B3GALT1: variants seen among roughly 807,000 people sequenced by gnomAD.
B3GALT1 encodes UDP-Gal:betaGlcNAc beta 1,3-galactosyltransferase, polypeptide 1.
A neutral mutation model predicts 23.2 loss-of-function variants in B3GALT1; 10 were observed. The observed-to-expected ratio is 0.43, with a 90% CI of 0.27 to 0.73. The LOEUF is 0.73. B3GALT1 is among the 30% of genes least tolerant of loss of function. The pLI is 0.21. For missense variants in B3GALT1, 299 were observed against 405.4 expected, an observed-to-expected ratio of 0.74 and a Z score of 2.25; for synonymous variants, 156 against 141.5, an observed-to-expected ratio of 1.10 and a Z score of -0.73.
chr2:167,347,802 T>C (rs1189464473), intron 1 of B3GALT1, among the ~76,000 whole-genome samples: 3 of 152,164 alleles, frequency 2.0e-5, no homozygotes, highest in African/African-American at 4.8e-5. Context: ...TCTTTGACCA[T>C]GTAGAAAAAG....
intron 3 of B3GALT1, among the ~76,000 whole-genome samples, chr2:167,814,597 TA>T (rs796537148): frequency 3.5e-4 from 52 of 147,030 alleles, no homozygotes; most frequent in Non-Finnish European, 3.9e-4. Flanking sequence ...CCGTCTCTAC[TA>T]AAAAAAAAAA....
intron 1 of B3GALT1, among the ~76,000 whole-genome samples, chr2:167,466,428 G>C (rs1300757138): frequency 6.6e-6 from 1 of 151,738 alleles, no homozygotes; most frequent in African/African-American, 2.4e-5. Flanking sequence ...GACCAGCCTG[G>C]TCAACATGGT....
At chr2:167,491,345 T>A (rs1248856275) in intron 2 of B3GALT1, among the ~76,000 whole-genome samples, 1 of 152,162 alleles carries the variant, frequency 6.6e-6, no homozygotes, top group Non-Finnish European at 1.5e-5. Flanking sequence ...GAATAAGAAG[T>A]AACAACTGCG....
chr2:167,713,865 A>G, intron 3 of B3GALT1: 1 of 1,590,584 alleles, frequency 6.3e-7, no homozygotes, highest in Non-Finnish European at 8.6e-7. Context: ...CTTGATAGAA[A>G]ATAACCTCGT....
At chr2:167,539,129 AG>A (rs1683487850) in intron 2 of B3GALT1, among the ~76,000 whole-genome samples, 1 of 152,188 alleles carries the variant, frequency 6.6e-6, no homozygotes, top group Non-Finnish European at 1.5e-5. Context: ...GTCCAATAAG[AG>A]TAACAAATAG....
At chr2:167,352,209 C>T (rs1282809492) in intron 1 of B3GALT1, among the ~76,000 whole-genome samples, 7 of 149,504 alleles carry the variant, frequency 4.7e-5, no homozygotes, top group South Asian at 2.2e-4. Flanking sequence ...CCTCGTGATC[C>T]GCCCACCTCG....
intron 3 of B3GALT1, among the ~76,000 whole-genome samples, chr2:167,690,597 C>T (rs944113867): frequency 3.9e-5 from 6 of 152,036 alleles, no homozygotes; most frequent in Non-Finnish European, 2.9e-5. Flanking sequence ...CCTGTGACTC[C>T]ATTTTCAAAC....
chr2:167,673,850 C>T (rs566821863), intron 3 of B3GALT1, among the ~76,000 whole-genome samples: 14 of 152,058 alleles, frequency 9.2e-5, no homozygotes, highest in East Asian at 1.9e-4. Flanking sequence ...AATATTTTCA[C>T]AGACCTCTGA....
At chr2:167,647,082 C>T (rs1301381531) in intron 3 of B3GALT1, among the ~76,000 whole-genome samples, 116 bp downstream of exon 3, 1 of 152,102 alleles carries the variant, frequency 6.6e-6, no homozygotes, top group African/African-American at 2.4e-5. Flanking sequence ...ATAGAGAAAT[C>T]ACCTGCAAGA....
intron 2 of B3GALT1, among the ~76,000 whole-genome samples, chr2:167,531,042 T>C (rs1056459369): frequency 6.6e-6 from 1 of 152,214 alleles, no homozygotes; most frequent in Non-Finnish European, 1.5e-5. Flanking sequence ...TGAGACTGTT[T>C]TTATCCATTT....
chr2:167,577,677 T>C (rs901995751), intron 2 of B3GALT1, among the ~76,000 whole-genome samples: 5 of 151,878 alleles, frequency 3.3e-5, no homozygotes, highest in African/African-American at 7.2e-5. Flanking sequence ...TTCTGATTTG[T>C]ATGTAACACA....
chr2:167,708,630 C>A (rs549183144), intron 3 of B3GALT1, among the ~76,000 whole-genome samples: 15 of 152,158 alleles, frequency 9.9e-5, no homozygotes, highest in Non-Finnish European at 2.1e-4. Context: ...CATTGCACTC[C>A]AGCCTGGGCA....
intron 1 of B3GALT1, among the ~76,000 whole-genome samples, chr2:167,482,020 C>T (rs1442369342): frequency 1.3e-5 from 2 of 152,060 alleles, no homozygotes; most frequent in Non-Finnish European, 2.9e-5. Flanking sequence ...ATATTTCCAA[C>T]CTAACAGCTG....
chr2:167,315,716 T>TC (rs1169451648), intron 1 of B3GALT1, among the ~76,000 whole-genome samples: 1 of 152,206 alleles, frequency 6.6e-6, no homozygotes, highest in African/African-American at 2.4e-5. Context: ...CAGAATTTAC[T>TC]CCATCTCACA....
chr2:167,660,029 A>G (rs1367585655), intron 3 of B3GALT1, among the ~76,000 whole-genome samples: 1 of 152,076 alleles, frequency 6.6e-6, no homozygotes, highest in African/African-American at 2.4e-5. Flanking sequence ...AAAGGACCCC[A>G]TAAAACTCTT....
At chr2:167,457,626 T>G (rs1345913461) in intron 1 of B3GALT1, among the ~76,000 whole-genome samples, 1 of 152,116 alleles carries the variant, frequency 6.6e-6, no homozygotes, top group Non-Finnish European at 1.5e-5. Flanking sequence ...TATATGTTTT[T>G]GGGCTGAAAT....
intron 2 of B3GALT1, among the ~76,000 whole-genome samples, chr2:167,608,518 G>GT (rs1685006414): frequency 6.6e-6 from 1 of 151,860 alleles, no homozygotes; most frequent in African/African-American, 2.4e-5. Context: ...AGTGTGTGTG[G>GT]TGTGTACTTT....
At chr2:167,479,810 G>A (rs917387705) in intron 1 of B3GALT1, among the ~76,000 whole-genome samples, 6 of 152,090 alleles carry the variant, frequency 3.9e-5, no homozygotes, top group Non-Finnish European at 5.9e-5. Flanking sequence ...TGCTAGCCAC[G>A]TGGTAGAATC....
intron 1 of B3GALT1, among the ~76,000 whole-genome samples, chr2:167,348,131 C>T (rs1157794141): frequency 1.3e-5 from 2 of 152,110 alleles, no homozygotes; most frequent in African/African-American, 4.8e-5. Context: ...CCAAATTGTG[C>T]ATAGCACCTG....
Sources: gnomAD v4.1 joint callset for allele counts (sites outside exome capture counted in the v4.1 genomes callset) on GRCh38, gnomAD v4.1.1 for gene constraint, MANE v1.5 for transcripts, NCBI Gene and HGNC (gene_info 2026-07-23, HGNC 2026-07-21) for gene names.